MZT1: variants seen among roughly 807,000 people sequenced by gnomAD.
MZT1 encodes mitotic-spindle organizing protein 1.
In MZT1, 8 loss-of-function variants were observed where a neutral mutation model predicts 8.5. That is an observed-to-expected ratio of 0.94 (90% confidence interval 0.55 to 1.70). The LOEUF is 1.70. MZT1 is among the 40% of genes most tolerant of loss of function. The pLI is 0.00. For missense variants in MZT1, 93 were observed against 108.6 expected, an observed-to-expected ratio of 0.86 and a Z score of 0.64; for synonymous variants, 38 against 42.0, an observed-to-expected ratio of 0.90 and a Z score of 0.37.
intron 1 of MZT1, among the ~76,000 whole-genome samples, chr13:72,719,884 G>GT (rs1481422603): frequency 1.9e-5 from 2 of 106,378 alleles, no homozygotes; most frequent in Admixed American, 2.4e-4. Context: ...ATTACAGGTT[G>GT]TAAGTACACC....
intron 1 of MZT1, among the ~76,000 whole-genome samples, chr13:72,724,154 G>T (rs2032616310): frequency 6.6e-6 from 1 of 152,196 alleles, no homozygotes. Flanking sequence ...GTAAGTCCTA[G>T]TGAAGATCTT....
Position 72,720,883 on chromosome 13 carries a change from T to C in MZT1, c.80-1786A>G, listed in dbSNP as rs188391810. 3.1e-3 allele frequency among the ~76,000 whole-genome samples: 469 copies of C among 152,036 alleles called. 1 individual carries two copies. Among genetic ancestry groups the C allele is most frequent in the African/African-American group, 0.01 (434 of 41,468 alleles). On this transcript the variant is annotated intron_variant, in intron 1 of 2. Transcript: ENST00000377818. ...AGCCTGGGCAACAAGAGCAAAACTC[T>C]GTCTCAAAAGAAAAAACAAACAAAC... is the stretch of plus-strand genomic sequence containing the variant.
intron 2 of MZT1, among the ~76,000 whole-genome samples, chr13:72,711,065 G>C (rs773542289): frequency 1.3e-5 from 2 of 152,116 alleles, no homozygotes; most frequent in Non-Finnish European, 2.9e-5. Context: ...TAAAGTATTA[G>C]TAACAGTACA....
intron 2 of MZT1, 85 bp downstream of exon 2, chr13:72,718,867 C>G (rs1450053470): frequency 8.4e-6 from 11 of 1,311,198 alleles, no homozygotes; most frequent in Non-Finnish European, 1.1e-5. Context: ...CTTGTTTAAC[C>G]AGGATGTTTC....
intron 1 of MZT1, among the ~76,000 whole-genome samples, chr13:72,721,747 G>C (rs1190360151): frequency 3.3e-5 from 5 of 152,182 alleles, no homozygotes; most frequent in African/African-American, 1.2e-4. Flanking sequence ...CTGATGTCCA[G>C]TGTCTTGAAA....
intron 1 of MZT1, among the ~76,000 whole-genome samples, chr13:72,720,880 C>T (rs1395948448): frequency 1.3e-5 from 2 of 151,438 alleles, no homozygotes; most frequent in African/African-American, 4.9e-5. Flanking sequence ...AAGAGCAAAA[C>T]TCTGTCTCAA....
intron 1 of MZT1, among the ~76,000 whole-genome samples, chr13:72,720,495 TTAAGTC>T (rs1409898193): frequency 3.3e-5 from 5 of 152,338 alleles, no homozygotes; most frequent in African/African-American, 9.6e-5. Flanking sequence ...ACCCATTAAT[TTAAGTC>T]TAAGTCTTTC....
intron 2 of MZT1, among the ~76,000 whole-genome samples, chr13:72,710,987 AATTC>A (rs1403697586): frequency 6.6e-6 from 1 of 152,160 alleles, no homozygotes; most frequent in Non-Finnish European, 1.5e-5. Context: ...TTAGTATTTT[AATTC>A]ATTTACCTTT....
At chr13:72,716,915 T>A (rs548745915) in intron 2 of MZT1, among the ~76,000 whole-genome samples, 1 of 152,288 alleles carries the variant, frequency 6.6e-6, no homozygotes, top group South Asian at 2.1e-4. Context: ...GGATAACACA[T>A]GGGCCCTCAG....
intron 1 of MZT1, among the ~76,000 whole-genome samples, chr13:72,724,503 T>C (rs951502864): frequency 6.7e-6 from 1 of 149,412 alleles, no homozygotes; most frequent in Non-Finnish European, 1.5e-5. Context: ...GGAATCTATA[T>C]ACCATAGATT....
chr13:72,720,934 T>A (rs78138243), intron 1 of MZT1, among the ~76,000 whole-genome samples: 1 of 149,670 alleles, frequency 6.7e-6, no homozygotes, highest in Non-Finnish European at 1.5e-5. Context: ...ATTTGAGTCT[T>A]AAAAAAAAAA....
chr13:72,717,483 G>A (rs1299308149), intron 2 of MZT1, among the ~76,000 whole-genome samples: 2 of 151,970 alleles, frequency 1.3e-5, no homozygotes, highest in Non-Finnish European at 2.9e-5. Context: ...GGGATTACAG[G>A]CATGTGCCAC....
At position 72,719,091 on chromosome 13, in the gene MZT1, A is replaced by T. The variant is rs1288817363; in HGVS notation, c.86T>A (p.Leu29His). 2 of 1,530,230 alleles carry T rather than the reference A, an allele frequency of 1.3e-6. No homozygotes were observed. The highest frequency in any genetic ancestry group is 1.7e-6 in the Non-Finnish European group (2 of 1,152,150). The allele number at this position is 1,530,230 out of a possible 1,614,324, so 94.8% of individuals were successfully genotyped here. ...NAVRETMDVL[L>H]EISRILNTGL... ...AGTATTCAAAATTCTTGAAATCTCAAGCAGAACTGAAAAAAGATACAAAAA... is the reference window on the plus strand; with the variant it reads ...AGTATTCAAAATTCTTGAAATCTCATGCAGAACTGAAAAAAGATACAAAAA... The change falls in exon 2 of 3, where the codon CTT becomes CAT. Residue 29 changes from leucine to histidine, a missense_variant. Leu to His is a moderately conservative substitution (Grantham distance 99). Transcript: ENST00000377818.
rs544167138 is a variant in MZT1, at chr13:72,724,614, C to T, written c.79+2910G>A. ...AGTGCAGTGGCGCAATCTCAGCTCACGACAACCTTCGCCTCCCAGGTTCAA... is the reference window on the plus strand; with the variant it reads ...AGTGCAGTGGCGCAATCTCAGCTCATGACAACCTTCGCCTCCCAGGTTCAA... On this transcript the variant is annotated intron_variant, in intron 1 of 2. Coordinates refer to ENST00000377818, the MANE Select transcript of MZT1 (RefSeq NM_001071775.3). Among the ~76,000 whole-genome samples the T allele has an allele frequency of 1.5e-4, 20 of 137,450 alleles. No individual in the cohort carries two copies. The South Asian group carries it at 4.3e-3, about 29-fold the overall frequency. 90.2% of individuals were successfully genotyped at this position (137,450 alleles called of 152,430 possible).
chr13:72,724,752 A>ATATATATATATGTGTGTGTGTG (rs1180726488), intron 1 of MZT1, among the ~76,000 whole-genome samples: 7 of 56,884 alleles, frequency 1.2e-4, no homozygotes, highest in African/African-American at 1.5e-4. Context: ...ACATATATAT[A>ATATATATATATGTGTGTGTGTG]TGTAAAGTGG....
At chr13:72,716,952 T>C (rs1258903005) in intron 2 of MZT1, among the ~76,000 whole-genome samples, 1 of 152,218 alleles carries the variant, frequency 6.6e-6, no homozygotes, top group Non-Finnish European at 1.5e-5. Context: ...GCCAGTTTCC[T>C]GTCTAAACAA....
chr13:72,710,194 T>G lies in MZT1; in HGVS notation c.*128A>C. On this transcript the variant is annotated 3_prime_UTR_variant, in exon 3 of 3. Transcript: ENST00000377818. Reference sequence around the variant, plus strand: ...GATTTATAAAGCTATGGTTTTATAATTCTTTTAAAAAGTAAAATTTTTCTA... The same window carrying G: ...GATTTATAAAGCTATGGTTTTATAAGTCTTTTAAAAAGTAAAATTTTTCTA... 1 of 855,818 alleles carries G rather than the reference T, an allele frequency of 1.2e-6. No individual in the cohort carries two copies. The allele number at this position is 855,818 out of a possible 1,614,324, so 53.0% of individuals were successfully genotyped here.
chr13:72,727,592 C>T lies in MZT1; in HGVS notation c.11G>A (p.Ser4Asn). 1 of 1,600,728 alleles carries T rather than the reference C, an allele frequency of 6.2e-7. No individual in the cohort carries two copies. Among genetic ancestry groups the T allele is most frequent in the Non-Finnish European group, 8.5e-7 (1 of 1,173,420 alleles). The change falls in exon 1 of 3, where the codon AGC becomes AAC. Residue 4 changes from serine (S) to asparagine (N), a missense_variant. Coordinates refer to ENST00000377818, the MANE Select transcript of MZT1 (RefSeq NM_001071775.3). Reference sequence around the variant, plus strand: ...CGCCGCCGCCGCCCCAGCACCGCTGCTACTCGCCATGGCTAAGGCCGAGGG... The same window carrying T: ...CGCCGCCGCCGCCCCAGCACCGCTGTTACTCGCCATGGCTAAGGCCGAGGG... MAS[S>N]SGAGAAAAAA...
intron 2 of MZT1, among the ~76,000 whole-genome samples, chr13:72,714,365 C>T (rs184411502): frequency 2.6e-5 from 4 of 152,248 alleles, no homozygotes; most frequent in South Asian, 2.1e-4. Flanking sequence ...GGAGGCAGAG[C>T]ATAAAAGTTT....
Sources: gnomAD v4.1 joint callset for allele counts (sites outside exome capture counted in the v4.1 genomes callset) on GRCh38, gnomAD v4.1.1 for gene constraint, MANE v1.5 for transcripts, NCBI Gene and HGNC (gene_info 2026-07-23, HGNC 2026-07-21) for gene names.